YTHDC2: variants seen among roughly 807,000 people sequenced by gnomAD.
YTHDC2 encodes 3'-5' RNA helicase YTHDC2.
Under a neutral mutation model 174.9 loss-of-function variants are expected in YTHDC2, and 45 were observed. The ratio of observed to expected loss-of-function variants is 0.26; its 90% CI spans 0.20 to 0.33. YTHDC2 has a LOEUF of 0.33. Ranked by LOEUF, YTHDC2 falls within the 10% of genes least tolerant of loss-of-function variation. The pLI is 1.00. For synonymous variants in YTHDC2, 657 were observed against 574.5 expected (o/e 1.14, Z -2.05); for missense variants, 1,650 against 1,723.7 (o/e 0.96, Z 0.76).
chr5:113,522,431 T>A (rs1773941276), intron 2 of YTHDC2, among the ~76,000 whole-genome samples: 1 of 152,166 alleles, frequency 6.6e-6, no homozygotes, highest in Admixed American at 6.5e-5. Context: ...ATGCATCGGT[T>A]ACTTTTATTT....
In YTHDC2 at chr5:113,513,985, C is replaced by T. The variant is rs777583896; in HGVS notation, c.90C>T (p.Gly30=). Reference sequence around the variant, plus strand: ...CCTCGCCTTGTGGCCCTGGGGGCGGCGGCCGGGCCAAGGGGCTGAAGGACA... The same window carrying T: ...CCTCGCCTTGTGGCCCTGGGGGCGGTGGCCGGGCCAAGGGGCTGAAGGACA... ...GGPSPCGPGG[G]GRAKGLKDIR... Residue 30 remains glycine, a synonymous_variant, in exon 1 of 30, where the codon GGC becomes GGT. Coordinates refer to ENST00000161863, the MANE Select transcript of YTHDC2 (RefSeq NM_022828.5). The T allele has an allele frequency of 9.4e-6, 15 of 1,603,246 alleles. No individual in the cohort carries two copies. In the East Asian group the frequency reaches 2.7e-4, roughly 29 times the overall value.
At chr5:113,560,669 A>G (rs1027629232) in intron 17 of YTHDC2, among the ~76,000 whole-genome samples, 3 of 152,238 alleles carry the variant, frequency 2.0e-5, no homozygotes, top group Admixed American at 6.5e-5. Context: ...GATAAATGGC[A>G]TTCCCTTGGA....
intron 24 of YTHDC2, 177 bp downstream of exon 24, chr5:113,579,872 C>G (rs1269654835): frequency 1.0e-6 from 1 of 985,198 alleles, no homozygotes; most frequent in African/African-American, 1.7e-5. Flanking sequence ...TTTATTCCAA[C>G]AGAGGACTTG....
chr5:113,580,812 G>T (rs1266772223), intron 24 of YTHDC2, among the ~76,000 whole-genome samples: 1 of 152,100 alleles, frequency 6.6e-6, no homozygotes, highest in Non-Finnish European at 1.5e-5. Flanking sequence ...TTTGTCACTA[G>T]TTACTGTAAC....
chr5:113,554,930 T>C (rs1776499320), intron 16 of YTHDC2, among the ~76,000 whole-genome samples: 1 of 152,020 alleles, frequency 6.6e-6, no homozygotes, highest in African/African-American at 2.4e-5. Context: ...AAAATGATCG[T>C]TTTTAATGTG....
intron 23 of YTHDC2, among the ~76,000 whole-genome samples, chr5:113,574,300 G>A (rs1028063481): frequency 2.0e-5 from 3 of 152,106 alleles, no homozygotes; most frequent in Non-Finnish European, 4.4e-5. Flanking sequence ...AGTGAAGTCT[G>A]CAAAACAGCA....
At chr5:113,569,049 A>T (rs1339075587) in intron 23 of YTHDC2, among the ~76,000 whole-genome samples, 1 of 151,888 alleles carries the variant, frequency 6.6e-6, no homozygotes, top group African/African-American at 2.4e-5. Context: ...ACTTTTTAAT[A>T]ATAGCAATTC....
intron 20 of YTHDC2, chr5:113,565,651 A>G: frequency 3.4e-6 from 1 of 297,708 alleles, no homozygotes; most frequent in Non-Finnish European, 6.1e-6. Context: ...TTACATTGTT[A>G]GTCATTTAGG....
intron 7 of YTHDC2, among the ~76,000 whole-genome samples, chr5:113,537,509 G>C (rs1463196815): frequency 2.0e-5 from 3 of 149,972 alleles, no homozygotes; most frequent in African/African-American, 7.3e-5. Context: ...TTAAATAGTG[G>C]TATTCTCTAG....
chr5:113,525,064 A>C lies in YTHDC2; in HGVS notation c.362A>C (p.His121Pro). ...AHAMMTCNLT[H>P]NTKHAVRSLI... ...GCAATGATGACCTGTAATTTGACTC[A>C]TAATACAAAACATGCTGTTAGGAGC... The change falls in exon 3 of 30, where the codon CAT becomes CCT. Residue 121 changes from histidine (H) to proline (P), a missense_variant. Physicochemically the swap from His to Pro is moderately conservative, Grantham distance 77. This residue lies in a region of YTHDC2 where 304 missense variants were observed against 341.4 expected (regional missense o/e 0.89). Transcript: ENST00000161863. The C allele has an allele frequency of 6.2e-7, 1 of 1,612,832 alleles. No homozygotes were observed. Among genetic ancestry groups the C allele is most frequent in the South Asian group, 1.1e-5 (1 of 90,908 alleles).
At chr5:113,529,292 G>A (rs989083293) in intron 4 of YTHDC2, among the ~76,000 whole-genome samples, 5 of 152,120 alleles carry the variant, frequency 3.3e-5, no homozygotes, top group Admixed American at 6.5e-5. Flanking sequence ...AGTTAACATG[G>A]CTAAGAAGTG....
intron 9 of YTHDC2, among the ~76,000 whole-genome samples, 192 bp from the exon 10 acceptor site, chr5:113,542,176 T>C (rs1292497674): frequency 6.6e-6 from 1 of 152,178 alleles, no homozygotes; most frequent in Non-Finnish European, 1.5e-5. Context: ...CAGATAAAAG[T>C]TGAGTATAAG....
At chr5:113,567,597 C>G in intron 22 of YTHDC2, 57 bp from the exon 23 acceptor site, 1 of 1,370,050 alleles carries the variant, frequency 7.3e-7, no homozygotes, top group Non-Finnish European at 9.9e-7. Flanking sequence ...AAAAGTATTT[C>G]CAATAAACTA....
At chr5:113,549,524 GAGTT>G (rs1276589279) in intron 12 of YTHDC2, among the ~76,000 whole-genome samples, 4 of 152,088 alleles carry the variant, frequency 2.6e-5, no homozygotes, top group Admixed American at 6.6e-5. Context: ...AGTAAAAAAA[GAGTT>G]AGTTATCAAA....
intron 26 of YTHDC2, among the ~76,000 whole-genome samples, chr5:113,586,043 T>G (rs183270128): frequency 6.6e-6 from 1 of 152,082 alleles, no homozygotes; most frequent in African/African-American, 2.4e-5. Flanking sequence ...TTGTTTGAGT[T>G]GTTTGATAAA....
At chr5:113,549,462 A>G (rs1297034551) in intron 12 of YTHDC2, among the ~76,000 whole-genome samples, 2 of 152,214 alleles carry the variant, frequency 1.3e-5, no homozygotes, top group African/African-American at 4.8e-5. Flanking sequence ...AGAAACACTC[A>G]TTTTAGCTTT....
chr5:113,533,054 A>T lies in YTHDC2; in HGVS notation c.842+9A>T. On this transcript the variant is annotated intron_variant, in intron 5 of 29. Transcript: ENST00000161863. ...ATCCGATTAGAAAGCAGGTAAAAACAGTTCTCATGTATCTTCTCTTTTATC... is the reference window on the plus strand; with the variant it reads ...ATCCGATTAGAAAGCAGGTAAAAACTGTTCTCATGTATCTTCTCTTTTATC... 1 of 1,613,374 alleles carries T rather than the reference A, an allele frequency of 6.2e-7. No homozygotes were observed. The highest frequency in any genetic ancestry group is 2.2e-5 in the East Asian group (1 of 44,852).
chr5:113,547,984 A>G (rs7349799), intron 10 of YTHDC2, among the ~76,000 whole-genome samples: 47,152 of 151,988 alleles, frequency 0.31, 9,484 homozygotes, highest in African/African-American at 0.56. Context: ...TATTTTTCTA[A>G]TGTAAGGGTT....
At chr5:113,530,225 T>C (rs1774562403) in intron 4 of YTHDC2, among the ~76,000 whole-genome samples, 1 of 152,170 alleles carries the variant, frequency 6.6e-6, no homozygotes, top group African/African-American at 2.4e-5. Context: ...AGCTCAAATA[T>C]AACTTTTATT....
Sources: allele counts gnomAD v4.1 joint callset (sites outside exome capture counted in the v4.1 genomes callset), GRCh38; gene constraint gnomAD v4.1.1; regional missense constraint gnomAD v4.1.1; transcripts MANE v1.5; gene names NCBI Gene and HGNC (gene_info 2026-07-23, HGNC 2026-07-21).